The following NCAM2 variants were observed in gnomAD, a reference collection of about 807,000 sequenced individuals.
The protein encoded by NCAM2 is N-CAM-2.
Under a neutral mutation model 98.1 loss-of-function variants are expected in NCAM2, and 30 were observed. That is an observed-to-expected ratio of 0.31 (90% CI 0.23 to 0.41). The LOEUF (loss-of-function observed/expected upper bound fraction) is 0.41. NCAM2 is among the 10% of genes least tolerant of loss of function. The probability of loss-of-function intolerance (pLI) is 1.00; values close to 1 mark genes in which losing one functional copy is unlikely to be tolerated. For missense variants in NCAM2, 867 were observed against 1,005.8 expected (o/e 0.86, Z 1.87); for synonymous variants, 368 against 342.4 (o/e 1.07, Z -0.83).
intron 1 of NCAM2, among the ~76,000 whole-genome samples, chr21:21,190,727 C>A (rs1184809763): frequency 6.6e-6 from 1 of 152,166 alleles, no homozygotes; most frequent in African/African-American, 2.4e-5. Context: ...CTACTGTTTA[C>A]TCACAGGATG....
intron 1 of NCAM2, among the ~76,000 whole-genome samples, chr21:21,158,902 A>G (rs2067694768): frequency 6.6e-6 from 1 of 152,136 alleles, no homozygotes; most frequent in Non-Finnish European, 1.5e-5. Flanking sequence ...AGAAAACGTA[A>G]CTATTAAAGA....
At chr21:21,385,107 C>A (rs1195100148) in intron 9 of NCAM2, among the ~76,000 whole-genome samples, 1 of 151,734 alleles carries the variant, frequency 6.6e-6, no homozygotes, top group Non-Finnish European at 1.5e-5. Context: ...TTGTATATTG[C>A]AATCAAATGC....
chr21:21,398,454 C>G (rs1486462167), intron 9 of NCAM2, among the ~76,000 whole-genome samples: 3 of 152,040 alleles, frequency 2.0e-5, no homozygotes, highest in Admixed American at 2.0e-4. Context: ...GGTGATTAGG[C>G]AGATTGAGAC....
chr21:21,101,627 T>G (rs1472398474), intron 1 of NCAM2, among the ~76,000 whole-genome samples: 1 of 152,024 alleles, frequency 6.6e-6, no homozygotes, highest in Non-Finnish European at 1.5e-5. Context: ...AAACAGCAAG[T>G]TTTCTGTGAT....
At chr21:21,152,932 T>G (rs980474089) in intron 1 of NCAM2, among the ~76,000 whole-genome samples, 1 of 151,948 alleles carries the variant, frequency 6.6e-6, no homozygotes, top group Admixed American at 6.6e-5. Flanking sequence ...CGTATGTGTC[T>G]TCATAGCACA....
intron 16 of NCAM2, among the ~76,000 whole-genome samples, chr21:21,509,486 G>C (rs967578372): frequency 6.6e-6 from 1 of 152,062 alleles, no homozygotes; most frequent in Non-Finnish European, 1.5e-5. Context: ...TTCTACAAAC[G>C]TAAGGCATGA....
chr21:21,198,856 G>T (rs2069105793), intron 1 of NCAM2, among the ~76,000 whole-genome samples: 1 of 152,134 alleles, frequency 6.6e-6, no homozygotes, highest in Non-Finnish European at 1.5e-5. Context: ...AAGCATTCAA[G>T]AGAGTTTTTA....
intron 16 of NCAM2, among the ~76,000 whole-genome samples, chr21:21,522,296 ATATATT>A (rs1989066576): frequency 1.3e-5 from 2 of 149,082 alleles, no homozygotes; most frequent in Non-Finnish European, 3.0e-5. Flanking sequence ...TGAATGAATG[ATATATT>A]TATACATATA....
At chr21:21,324,595 A>C in intron 6 of NCAM2, 95 bp downstream of exon 6, 4 of 890,596 alleles carry the variant, frequency 4.5e-6, no homozygotes, top group Non-Finnish European at 6.9e-6. Flanking sequence ...AAAGCAAACC[A>C]TTGCATTTTA....
chr21:21,023,248 G>T (rs1443351860), intron 1 of NCAM2, among the ~76,000 whole-genome samples: 2 of 152,182 alleles, frequency 1.3e-5, no homozygotes, highest in Non-Finnish European at 2.9e-5. Flanking sequence ...TTAAGGCTGG[G>T]TGCGGTGGCT....
At chr21:21,439,322 T>A (rs1978890203) in intron 12 of NCAM2, among the ~76,000 whole-genome samples, 1 of 152,156 alleles carries the variant, frequency 6.6e-6, no homozygotes, top group African/African-American at 2.4e-5. Flanking sequence ...TTTCACCATG[T>A]TGGCCAGGCT....
intron 11 of NCAM2, among the ~76,000 whole-genome samples, chr21:21,426,314 G>C (rs768278784): frequency 2.6e-5 from 4 of 152,112 alleles, no homozygotes; most frequent in Non-Finnish European, 4.4e-5. Context: ...TCCTTGAGTT[G>C]TAAGCAATTA....
rs147437903 is a variant in NCAM2, at chr21:21,350,319, A to G, written c.1044+11785A>G. 6.6e-3 allele frequency among the ~76,000 whole-genome samples: 1,002 copies of G among 152,310 alleles called. 3 individuals are homozygous for G. The highest frequency in any genetic ancestry group is 0.012 in the Admixed American group (184 of 15,286). On this transcript the variant is annotated intron_variant, in intron 8 of 17. Transcript: ENST00000400546. ...TAAATATTTTCAGAGTTCATCTTCAATGATAATGGGTTAAAGTTTTAATAA... is the reference window on the plus strand; with the variant it reads ...TAAATATTTTCAGAGTTCATCTTCAGTGATAATGGGTTAAAGTTTTAATAA...
At chr21:21,254,336 T>C (rs754887824) in intron 1 of NCAM2, among the ~76,000 whole-genome samples, 1 of 152,210 alleles carries the variant, frequency 6.6e-6, no homozygotes, top group Non-Finnish European at 1.5e-5. Flanking sequence ...AACGCCAGCC[T>C]ATCTACTCAG....
intron 14 of NCAM2, among the ~76,000 whole-genome samples, chr21:21,475,825 C>T (rs1333011903): frequency 2.6e-5 from 4 of 152,110 alleles, no homozygotes; most frequent in Admixed American, 2.6e-4. Flanking sequence ...ACAGGCCAAA[C>T]TTTTCTGTTC....
intron 1 of NCAM2, among the ~76,000 whole-genome samples, chr21:21,026,996 G>A (rs1267549623): frequency 6.6e-6 from 1 of 151,028 alleles, no homozygotes; most frequent in Non-Finnish European, 1.5e-5. Flanking sequence ...AGCTGGGATT[G>A]CAGGCGTGCT....
Position 21,538,094 on chromosome 21 carries a change from T to A in NCAM2, c.*137T>A, listed in dbSNP as rs1990082156. The A allele has an allele frequency of 1.4e-5, 6 of 423,876 alleles. No individual in the cohort carries two copies. Among genetic ancestry groups the A allele is most frequent in the Non-Finnish European group, 2.6e-5 (6 of 232,730 alleles). The allele number at this position is 423,876 out of a possible 1,614,324, so 26.3% of individuals were successfully genotyped here. A position where few individuals can be genotyped will look rare whatever the true frequency, so the allele number is the denominator to read the frequency against. ...ATAGCTTGTACACATATACATATGATCAAATACTCCTGCCCATGATCCATT... is the reference window on the plus strand; with the variant it reads ...ATAGCTTGTACACATATACATATGAACAAATACTCCTGCCCATGATCCATT... On this transcript the variant is annotated 3_prime_UTR_variant, in exon 18 of 18. Transcript: ENST00000400546.
rs1398034081 is a variant in NCAM2, at chr21:21,405,873, A to G, written c.1196-4401A>G. On this transcript the variant is annotated intron_variant, in intron 9 of 17. Transcript: ENST00000400546. ...AATCTTCTTTGACTTTCTGATAATGAAGCAAGTGATTAACTTACCTGCCCA... is the reference window on the plus strand; with the variant it reads ...AATCTTCTTTGACTTTCTGATAATGGAGCAAGTGATTAACTTACCTGCCCA... 3.3e-5 allele frequency among the ~76,000 whole-genome samples: 5 copies of G among 152,302 alleles called. No homozygotes were observed. In the East Asian group the frequency reaches 7.7e-4, roughly 23 times the overall value.
At chr21:21,479,758 A>G (rs1258859171) in intron 15 of NCAM2, among the ~76,000 whole-genome samples, 1 of 123,208 alleles carries the variant, frequency 8.1e-6, no homozygotes, top group African/African-American at 3.4e-5. Flanking sequence ...CAATTTGAGA[A>G]ACTCGTGTCC....
Sources: allele counts gnomAD v4.1 joint callset (sites outside exome capture counted in the v4.1 genomes callset), GRCh38; gene constraint gnomAD v4.1.1; transcripts MANE v1.5; gene names NCBI Gene and HGNC (gene_info 2026-07-23, HGNC 2026-07-21).